STPG2: variants seen among roughly 807,000 people sequenced by gnomAD.
STPG2 encodes the protein sperm tail PG-rich repeat containing 2.
Under a neutral mutation model 54.2 loss-of-function variants are expected in STPG2, and 56 were observed. That is an observed-to-expected ratio of 1.03 (90% CI 0.83 to 1.29). The LOEUF (loss-of-function observed/expected upper bound fraction) is 1.29, where lower values mean the gene tolerates loss of function less well. Ranked by LOEUF, STPG2 falls within the 50% of genes most tolerant of loss-of-function variation. The pLI, the probability that STPG2 is intolerant of heterozygous loss-of-function variation, is 0.00. For missense variants in STPG2, 596 were observed against 544.9 expected (o/e 1.09, Z -0.93); for synonymous variants, 200 against 181.8 (o/e 1.10, Z -0.81).
intron 10 of STPG2, among the ~76,000 whole-genome samples, chr4:97,589,190 G>A (rs973670854): frequency 6.6e-6 from 1 of 151,838 alleles, no homozygotes; most frequent in African/African-American, 2.4e-5. Flanking sequence ...GTATGTTTTT[G>A]TATGTGCATA....
chr4:97,849,472 A>G (rs986054280), intron 8 of STPG2, among the ~76,000 whole-genome samples: 2 of 152,028 alleles, frequency 1.3e-5, no homozygotes, highest in African/African-American at 4.8e-5. Flanking sequence ...CTACCATCAG[A>G]GTGAACAGGC....
rs189603432 is a variant in STPG2, at chr4:97,768,064, A to G, written c.1205-55250T>C. Among the ~76,000 whole-genome samples, 471 of 151,950 alleles carry G rather than the reference A, an allele frequency of 3.1e-3. 1 individual carries two copies. Among genetic ancestry groups the G allele is most frequent in the Non-Finnish European group, 5.3e-3 (359 of 67,922 alleles). ...CGTCTGTAGTCCCAGTTACTCGGGA[A>G]GCTGAGGCAGGAGAATGTCGTGAAC... On this transcript the variant is annotated intron_variant, in intron 9 of 10. Transcript: ENST00000295268.
intron 9 of STPG2, among the ~76,000 whole-genome samples, chr4:97,738,022 A>G (rs913982468): frequency 6.6e-6 from 1 of 152,174 alleles, no homozygotes; most frequent in African/African-American, 2.4e-5. Context: ...CTTGGCAGAA[A>G]CTCTACAAGC....
chr4:97,764,428 T>C (rs1430778358), intron 9 of STPG2, among the ~76,000 whole-genome samples: 1 of 152,180 alleles, frequency 6.6e-6, no homozygotes, highest in Non-Finnish European at 1.5e-5. Context: ...TTGTATTTGA[T>C]ACACTCAGCA....
intron 4 of STPG2, among the ~76,000 whole-genome samples, chr4:97,518,525 T>C (rs1731119871): frequency 6.6e-6 from 1 of 152,122 alleles, no homozygotes; most frequent in South Asian, 2.1e-4. Flanking sequence ...AAGAAGTATA[T>C]AATATGGGAA....
At chr4:97,951,031 G>A (rs1733443809) in intron 7 of STPG2, among the ~76,000 whole-genome samples, 1 of 152,044 alleles carries the variant, frequency 6.6e-6, no homozygotes, top group South Asian at 2.1e-4. Context: ...TGAATCAGCT[G>A]GCACCATCCA....
chr4:97,870,622 A>G (rs964983066), intron 8 of STPG2, among the ~76,000 whole-genome samples: 1 of 151,448 alleles, frequency 6.6e-6, no homozygotes, highest in Non-Finnish European at 1.5e-5. Context: ...CTATGAAGAT[A>G]TAAAACTATG....
chr4:98,085,841 TG>T, intron 5 of STPG2, among the ~76,000 whole-genome samples: 1 of 152,098 alleles, frequency 6.6e-6, no homozygotes, highest in Non-Finnish European at 1.5e-5. Context: ...GTCTATAATA[TG>T]GGTTCTTCAA....
At chr4:97,496,067 G>A (rs1040675836) in intron 4 of STPG2, among the ~76,000 whole-genome samples, 1 of 151,430 alleles carries the variant, frequency 6.6e-6, no homozygotes, top group Non-Finnish European at 1.5e-5. Context: ...CAACCAATAT[G>A]TCCTAAAAAT....
chr4:97,659,268 A>T (rs1161598466), intron 10 of STPG2, among the ~76,000 whole-genome samples: 1 of 152,196 alleles, frequency 6.6e-6, no homozygotes, highest in African/African-American at 2.4e-5. Flanking sequence ...ATATGTAAAA[A>T]AACAAAATAA....
At chr4:97,718,303 A>G (rs745331665) in intron 9 of STPG2, among the ~76,000 whole-genome samples, 6 of 152,038 alleles carry the variant, frequency 3.9e-5, no homozygotes, top group Admixed American at 2.0e-4. Flanking sequence ...GAAAATCACT[A>G]ATTTATACCA....
intron 9 of STPG2, among the ~76,000 whole-genome samples, chr4:97,777,023 A>G (rs1243571815): frequency 6.6e-6 from 1 of 152,230 alleles, no homozygotes; most frequent in Non-Finnish European, 1.5e-5. Context: ...GAATTAAAAG[A>G]GATTTTAAGT....
intron 9 of STPG2, among the ~76,000 whole-genome samples, chr4:97,722,561 G>T (rs1362887351): frequency 6.6e-6 from 1 of 151,774 alleles, no homozygotes; most frequent in Non-Finnish European, 1.5e-5. Flanking sequence ...CATTCATTTT[G>T]ATATTCTACA....
At chr4:97,874,777 T>G (rs1730113735) in intron 8 of STPG2, among the ~76,000 whole-genome samples, 1 of 151,512 alleles carries the variant, frequency 6.6e-6, no homozygotes, top group Admixed American at 6.6e-5. Context: ...TATTTCGAAA[T>G]GGGGCCTTTA....
At chr4:97,658,563 T>G (rs1722284062) in intron 10 of STPG2, among the ~76,000 whole-genome samples, 1 of 152,074 alleles carries the variant, frequency 6.6e-6, no homozygotes, top group South Asian at 2.1e-4. Context: ...TTGGAAGAGT[T>G]TAGACTCTTC....
rs898948044 is a variant in STPG2, at chr4:97,634,442, T to G, written c.1321-75325A>C. On this transcript the variant is annotated intron_variant, in intron 10 of 10. Transcript: ENST00000295268. ...CTAAAAATCAGAGCTCCTCTCCTCC[T>G]CCAAAGGAAGGCAGCTCCTCACCTG... Among the ~76,000 whole-genome samples the G allele has an allele frequency of 4.1e-4, 63 of 152,244 alleles. 1 individual carries two copies. The highest frequency in any genetic ancestry group is 1.4e-3 in the African/African-American group (59 of 41,534).
intron 9 of STPG2, among the ~76,000 whole-genome samples, chr4:97,838,059 T>C (rs1448407666): frequency 6.6e-6 from 1 of 151,576 alleles, no homozygotes; most frequent in Non-Finnish European, 1.5e-5. Flanking sequence ...TATCATGTTC[T>C]CCAAATTAAG....
At chr4:97,562,925 T>A (rs567736299) in intron 10 of STPG2, among the ~76,000 whole-genome samples, 4 of 152,282 alleles carry the variant, frequency 2.6e-5, no homozygotes, top group Admixed American at 2.6e-4. Flanking sequence ...TGTCTCTGCC[T>A]GGATTTGGTA....
intron 1 of STPG2, among the ~76,000 whole-genome samples, chr4:98,137,705 A>T (rs1740172976): frequency 6.6e-6 from 1 of 151,674 alleles, no homozygotes; most frequent in South Asian, 2.1e-4. Flanking sequence ...ATGTAAAATT[A>T]GTTGCAGAGT....
Sources: allele counts gnomAD v4.1 joint callset (sites outside exome capture counted in the v4.1 genomes callset), GRCh38; gene constraint gnomAD v4.1.1; transcripts MANE v1.5; gene names NCBI Gene and HGNC (gene_info 2026-07-23, HGNC 2026-07-21).